The following GLIS3 variants were observed in gnomAD, a reference collection of about 807,000 sequenced individuals.
GLIS3 encodes the protein zinc finger protein GLIS3.
In GLIS3, 53 loss-of-function variants were observed where a neutral mutation model predicts 78.6. The ratio of observed to expected loss-of-function variants is 0.67; its 90% confidence interval spans 0.54 to 0.85. GLIS3 has a LOEUF of 0.85. Among genes scored for constraint, GLIS3 ranks in the 40% least tolerant of loss-of-function variants. The probability of loss-of-function intolerance (pLI) is 0.00; values close to 1 mark genes in which losing one functional copy is unlikely to be tolerated. For missense variants in GLIS3, 1,703 were observed against 1,231.1 expected, an observed-to-expected ratio of 1.38 and a Z score of -5.74; for synonymous variants, 684 against 509.9, an observed-to-expected ratio of 1.34 and a Z score of -4.60.
At chr9:3,860,353 C>T (rs1313682026) in intron 8 of GLIS3, among the ~76,000 whole-genome samples, 1 of 149,724 alleles carries the variant, frequency 6.7e-6, no homozygotes, top group Non-Finnish European at 1.5e-5. Context: ...ATATGTATCT[C>T]CACCTATCTT....
the GLIS3 span, among the ~76,000 whole-genome samples, chr9:4,407,386 C>A: frequency 6.6e-6 from 1 of 152,264 alleles, no homozygotes; most frequent in Non-Finnish European, 1.5e-5. Flanking sequence ...TGGCTCACAC[C>A]TGTAATCCCA....
At chr9:4,382,267 G>A in the GLIS3 span, among the ~76,000 whole-genome samples, 2 of 152,078 alleles carry the variant, frequency 1.3e-5, no homozygotes, top group Non-Finnish European at 2.9e-5. Context: ...AGTACAGATT[G>A]GAGAACATTT....
At chr9:3,909,543 T>C (rs1823988685) in intron 6 of GLIS3, among the ~76,000 whole-genome samples, 1 of 152,186 alleles carries the variant, frequency 6.6e-6, no homozygotes, top group Non-Finnish European at 1.5e-5. Context: ...GTATAGGGGA[T>C]ACCTATTTAG....
At chr9:4,033,962 C>T (rs1824092276) in intron 4 of GLIS3, among the ~76,000 whole-genome samples, 1 of 146,680 alleles carries the variant, frequency 6.8e-6, no homozygotes, top group South Asian at 2.3e-4. Flanking sequence ...AACTGTAATA[C>T]TATAATTCTA....
intron 2 of GLIS3, among the ~76,000 whole-genome samples, chr9:4,278,277 G>C (rs1017362374): frequency 1.3e-5 from 2 of 152,140 alleles, no homozygotes; most frequent in African/African-American, 4.8e-5. Flanking sequence ...CAGTCAACAA[G>C]AACACCCTTT....
At chr9:3,963,122 C>T (rs1168036201) in intron 4 of GLIS3, among the ~76,000 whole-genome samples, 1 of 152,130 alleles carries the variant, frequency 6.6e-6, no homozygotes, top group African/African-American at 2.4e-5. Flanking sequence ...TTGCCAAAGA[C>T]TGCATGTTGC....
intron 4 of GLIS3, among the ~76,000 whole-genome samples, chr9:3,942,571 G>A (rs1270862061): frequency 1.3e-5 from 2 of 152,184 alleles, no homozygotes; most frequent in Admixed American, 6.5e-5. Context: ...GAAAAGGATG[G>A]TCAAAGGGCC....
At chr9:3,863,857 A>G (rs1820396815) in intron 8 of GLIS3, among the ~76,000 whole-genome samples, 1 of 152,202 alleles carries the variant, frequency 6.6e-6, no homozygotes, top group Non-Finnish European at 1.5e-5. Context: ...ATGCTGAAAT[A>G]GGACCCACAG....
chr9:4,081,569 C>A (rs2130701262), intron 4 of GLIS3, among the ~76,000 whole-genome samples: 1 of 152,270 alleles, frequency 6.6e-6, no homozygotes, highest in Middle Eastern at 3.4e-3. Context: ...GCCTGGGTCC[C>A]TGGATAAACA....
intron 4 of GLIS3, among the ~76,000 whole-genome samples, chr9:4,059,621 G>C (rs1005008327): frequency 6.6e-6 from 1 of 152,160 alleles, no homozygotes; most frequent in Non-Finnish European, 1.5e-5. Flanking sequence ...GGATTGCTTT[G>C]TGGTTGGAGA....
At chr9:4,354,927 T>A in the GLIS3 span, among the ~76,000 whole-genome samples, 1 of 152,074 alleles carries the variant, frequency 6.6e-6, no homozygotes, top group East Asian at 1.9e-4. Context: ...CCATCCTGGC[T>A]AACACGGCGA....
intron 9 of GLIS3, among the ~76,000 whole-genome samples, chr9:3,852,396 A>G (rs746167047): frequency 3.9e-5 from 6 of 152,178 alleles, no homozygotes; most frequent in Non-Finnish European, 8.8e-5. Context: ...CACTTGAGCT[A>G]TTGCATTAGC....
chr9:4,118,517 G>C lies in GLIS3; in HGVS notation c.961C>G (p.Arg321Gly). The C allele has an allele frequency of 6.2e-7, 1 of 1,614,236 alleles. No homozygotes were observed. Among genetic ancestry groups the C allele is most frequent in the Non-Finnish European group, 8.5e-7 (1 of 1,180,024 alleles). The change falls in exon 4 of 11, where the codon CGC becomes GGC. Residue 321 changes from arginine to glycine, a missense_variant. Physicochemically the swap from Arg to Gly is moderately radical, Grantham distance 125. Transcript: ENST00000381971. This position sits in a 1 kb window ranked among gnomAD's most constrained non-coding sequence, Gnocchi z 4.7. ...GIGIDFNTII[R>G]TSPTSLVAYI... The stretch of plus-strand genomic sequence containing the variant: ...GCCACCAAGGACGTGGGCGACGTGC[G>C]GATGATGGTATTGAAATCTATCCCG...
Position 3,825,742 on chromosome 9 carries a change from G to A in GLIS3, c.*2530C>T, listed in dbSNP as rs878981223. 6.6e-6 allele frequency: 1 copy of A among 152,290 alleles called. No homozygotes were observed. The highest frequency in any genetic ancestry group is 2.1e-4 in the South Asian group (1 of 4,820). 9.4% of individuals were successfully genotyped at this position (152,290 alleles called of 1,614,324 possible). On this transcript the variant is annotated 3_prime_UTR_variant, in exon 11 of 11. Transcript: ENST00000381971. ...TAAGCATAGTGTGTGTAGTCTGGAA[G>A]GCATCTGAACGTGTCCTATCCTGAG...
intron 2 of GLIS3, among the ~76,000 whole-genome samples, chr9:4,157,874 T>C (rs528694532): frequency 2.0e-5 from 3 of 152,248 alleles, no homozygotes; most frequent in Non-Finnish European, 4.4e-5. Context: ...ATGGTTCATT[T>C]AGAAACTTCA....
At chr9:3,855,096 T>C (rs1442417419) in intron 9 of GLIS3, among the ~76,000 whole-genome samples, 1 of 152,164 alleles carries the variant, frequency 6.6e-6, no homozygotes, top group Non-Finnish European at 1.5e-5. Flanking sequence ...ACAGATCTGA[T>C]TGCCCTAGGA....
the GLIS3 span, among the ~76,000 whole-genome samples, chr9:4,436,796 G>A: frequency 4.2e-5 from 5 of 119,182 alleles, no homozygotes; most frequent in Non-Finnish European, 8.2e-5. Context: ...CTGGGCAAGA[G>A]TGAGACTGCA....
chr9:4,421,108 G>C, the GLIS3 span, among the ~76,000 whole-genome samples: 1 of 152,178 alleles, frequency 6.6e-6, no homozygotes, highest in African/African-American at 2.4e-5. Flanking sequence ...TTTAATTACT[G>C]TCAGTGACTG....
Position 4,020,926 on chromosome 9 carries a change from T to C in GLIS3, c.1711-83737A>G, listed in dbSNP as rs181164201. Among the ~76,000 whole-genome samples the C allele has an allele frequency of 2.4e-3, 372 of 152,226 alleles. 1 individual carries two copies. Among genetic ancestry groups the C allele is most frequent in the South Asian group, 7.3e-3 (35 of 4,820 alleles). Reference sequence around the variant, plus strand: ...CAAATCAACTTCCACCTGCACACAGTTCCAAAAATAGAGCAGCACAGAGAC... The same window carrying C: ...CAAATCAACTTCCACCTGCACACAGCTCCAAAAATAGAGCAGCACAGAGAC... On this transcript the variant is annotated intron_variant, in intron 4 of 10. Transcript: ENST00000381971.
Sources: gnomAD v4.1 joint callset for allele counts (sites outside exome capture counted in the v4.1 genomes callset) on GRCh38, gnomAD v4.1.1 for gene constraint, Gnocchi (gnomAD v3.1) non-coding constraint, MANE v1.5 for transcripts, NCBI Gene and HGNC (gene_info 2026-07-23, HGNC 2026-07-21) for gene names.